The following SPATS1 variants were observed in gnomAD, a reference collection of about 807,000 sequenced individuals.
SPATS1 encodes spermatogenesis-associated serine-rich protein 1.
A neutral mutation model predicts 33.6 loss-of-function variants in SPATS1; 23 were observed. The observed-to-expected ratio is 0.68, with a 90% CI of 0.49 to 0.97. The LOEUF is 0.97. SPATS1 is among the 50% of genes least tolerant of loss of function. The pLI, the probability that SPATS1 is intolerant of heterozygous loss-of-function variation, is 0.00. For synonymous variants in SPATS1, 131 were observed against 125.6 expected (o/e 1.04, Z -0.29); for missense variants, 327 against 361.0 (o/e 0.91, Z 0.76).
rs1367440068 is a variant in SPATS1 at position 44,376,363 on chromosome 6, C to T, written c.764C>T (p.Pro255Leu). 2.5e-6 allele frequency: 4 copies of T among 1,611,606 alleles called. No homozygotes were observed. The highest frequency in any genetic ancestry group is 3.4e-6 in the Non-Finnish European group (4 of 1,178,944). ...LEPLPQIPNL[P>L]FWVKEKANSL... ...GTGTTGTCTTCTTCCCACAGCTTGC[C>T]TTTCTGGGTGAAGGAGAAGGCCAAC... The change falls in exon 8 of 9, where the codon CCT (proline) becomes CTT (leucine). Residue 255 changes from proline (P) to leucine (L), a missense_variant. Physicochemically the swap from Pro to Leu is moderately conservative, Grantham distance 98 (BLOSUM62 -3). Transcript: ENST00000674044.
intron 2 of SPATS1, among the ~76,000 whole-genome samples, chr6:44,350,518 G>A (rs1014178547): frequency 1.3e-5 from 2 of 152,290 alleles, no homozygotes; most frequent in Non-Finnish European, 1.5e-5. Context: ...TAGGCCTTGC[G>A]CCATGTCCTG....
intron 8 of SPATS1, 108 bp downstream of exon 8, chr6:44,376,581 C>A: frequency 1.4e-6 from 1 of 708,862 alleles, no homozygotes. Flanking sequence ...GCGGGCAGAT[C>A]ACAAGGTCAG....
At chr6:44,374,720 C>A (rs185349130) in intron 7 of SPATS1, among the ~76,000 whole-genome samples, 1 of 152,200 alleles carries the variant, frequency 6.6e-6, no homozygotes, top group Non-Finnish European at 1.5e-5. Flanking sequence ...ATTGTTTCAA[C>A]AAAGGCTGAA....
Position 44,361,487 on chromosome 6 carries a change from T to C in SPATS1, c.413-344T>C. The C allele has an allele frequency of 5.1e-6, 5 of 985,460 alleles. No homozygotes were observed. In the South Asian group the frequency reaches 2.3e-4, roughly 46 times the overall value. 61.0% of individuals were successfully genotyped at this position (985,460 alleles called of 1,614,324 possible). A position where few individuals can be genotyped will look rare whatever the true frequency, so the allele number is the denominator to read the frequency against. On this transcript the variant is annotated intron_variant, in intron 4 of 8. Transcript: ENST00000674044. The stretch of plus-strand genomic sequence containing the variant: ...GCATTCTATTTTTCCTACACCGTTA[T>C]CAGAGTGAAGATTGTATCACAGGTA...
chr6:44,343,543 G>T (rs1787694521), intron 2 of SPATS1: 1 of 498,574 alleles, frequency 2.0e-6, no homozygotes, highest in Non-Finnish European at 3.9e-6. Context: ...TTAATAAAAG[G>T]TGAGCCTGGG....
Position 44,361,935 on chromosome 6 carries a change from A to G in SPATS1, c.517A>G (p.Asn173Asp). The change falls in exon 5 of 9, where the codon AAC becomes GAC. Residue 173 changes from asparagine (N) to aspartate (D), a missense_variant. Physicochemically the swap from Asn to Asp is conservative, Grantham distance 23. Coordinates refer to ENST00000674044, the MANE Select transcript of SPATS1 (RefSeq NM_001372081.1). ...QCFFNGVFLGNKRSLSERTVD... is the reference protein window; with the variant it reads ...QCFFNGVFLGDKRSLSERTVD... Reference sequence around the variant, plus strand: ...CTTCTTTAATGGAGTCTTCCTCGGCAACAAGAGGTCTCTATCAGAGAGGAC... The same window carrying G: ...CTTCTTTAATGGAGTCTTCCTCGGCGACAAGAGGTCTCTATCAGAGAGGAC... 1 of 1,614,254 alleles carries G rather than the reference A, an allele frequency of 6.2e-7. No individual in the cohort carries two copies. The highest frequency in any genetic ancestry group is 1.3e-5 in the African/African-American group (1 of 75,070).
At chr6:44,371,168 A>G (rs778447174) in intron 7 of SPATS1, among the ~76,000 whole-genome samples, 1 of 151,230 alleles carries the variant, frequency 6.6e-6, no homozygotes, top group Non-Finnish European at 1.5e-5. Flanking sequence ...GCATAGTGGT[A>G]TGCAACTGTA....
chr6:44,371,238 G>T (rs1033459744), intron 7 of SPATS1, among the ~76,000 whole-genome samples: 1 of 151,774 alleles, frequency 6.6e-6, no homozygotes, highest in Admixed American at 6.6e-5. Flanking sequence ...GTTCGAGGCT[G>T]CAGTGAGCTA....
chr6:44,371,295 CT>C (rs1789598041), intron 7 of SPATS1, among the ~76,000 whole-genome samples: 2 of 148,920 alleles, frequency 1.3e-5, no homozygotes, highest in South Asian at 4.2e-4. Flanking sequence ...AAAACCCTGT[CT>C]CAAATTAAAA....
At chr6:44,357,744 C>T (rs1244452945) in intron 3 of SPATS1, among the ~76,000 whole-genome samples, 5 of 152,146 alleles carry the variant, frequency 3.3e-5, no homozygotes, top group South Asian at 2.1e-4. Flanking sequence ...CGGCTGGTCT[C>T]GAACTCCTGC....
At chr6:44,347,775 A>G (rs965083568) in intron 2 of SPATS1, among the ~76,000 whole-genome samples, 1 of 152,102 alleles carries the variant, frequency 6.6e-6, no homozygotes, top group Non-Finnish European at 1.5e-5. Context: ...GTTTTCATAT[A>G]CAATTTTATT....
Position 44,360,167 on chromosome 6 carries a change from T to C in SPATS1, c.288-279T>C, listed in dbSNP as rs371498323. Among the ~76,000 whole-genome samples, 35 of 152,110 alleles carry C rather than the reference T, an allele frequency of 2.3e-4. 3 individuals are homozygous for C. The highest frequency in any genetic ancestry group is 1.4e-3 in the Admixed American group (21 of 15,288). ...AAAATTAGTAAAGACGGGATCTCAC[T>C]ATGCTGTCCAGTCTGGTCTCAAACT... is the stretch of plus-strand genomic sequence containing the variant. On this transcript the variant is annotated intron_variant, in intron 3 of 8. Transcript: ENST00000674044.
intron 7 of SPATS1, among the ~76,000 whole-genome samples, chr6:44,372,910 G>A (rs1316535781): frequency 6.6e-6 from 1 of 152,154 alleles, no homozygotes; most frequent in African/African-American, 2.4e-5. Flanking sequence ...GTAAGATGTG[G>A]CCCTTTTAGA....
At chr6:44,352,643 A>G (rs1468249257) in intron 2 of SPATS1, 83 bp from the exon 3 acceptor site, 2 of 1,332,020 alleles carry the variant, frequency 1.5e-6, no homozygotes, top group Non-Finnish European at 2.1e-6. Context: ...CTGTTTTAAA[A>G]ATTTATTTAT....
chr6:44,355,307 G>T (rs910961533), intron 3 of SPATS1, among the ~76,000 whole-genome samples: 2 of 151,934 alleles, frequency 1.3e-5, no homozygotes, highest in African/African-American at 4.8e-5. Context: ...CATTTAAGTT[G>T]CCTTCATGTC....
At chr6:44,367,041 T>C (rs1789291004) in intron 5 of SPATS1, among the ~76,000 whole-genome samples, 4 of 152,212 alleles carry the variant, frequency 2.6e-5, no homozygotes, top group African/African-American at 9.6e-5. Flanking sequence ...TACTTGTCAG[T>C]GCCCTGGTTT....
chr6:44,346,938 C>T (rs371826726), intron 2 of SPATS1, among the ~76,000 whole-genome samples: 15 of 152,210 alleles, frequency 9.9e-5, no homozygotes, highest in South Asian at 6.2e-4. Context: ...ATGTTTATTG[C>T]GGCACTGTTC....
At chr6:44,366,614 A>G (rs1461381794) in intron 5 of SPATS1, among the ~76,000 whole-genome samples, 1 of 152,212 alleles carries the variant, frequency 6.6e-6, no homozygotes, top group Non-Finnish European at 1.5e-5. Context: ...CCACTGTTCT[A>G]TAGTATATGG....
At chr6:44,349,168 A>T (rs1426525810) in intron 2 of SPATS1, among the ~76,000 whole-genome samples, 1 of 148,858 alleles carries the variant, frequency 6.7e-6, no homozygotes, top group Non-Finnish European at 1.5e-5. Context: ...GTGTGGTGGC[A>T]TGCACCTGTA....
Sources: allele counts gnomAD v4.1 joint callset (sites outside exome capture counted in the v4.1 genomes callset), GRCh38; gene constraint gnomAD v4.1.1; transcripts MANE v1.5; gene names NCBI Gene and HGNC (gene_info 2026-07-23, HGNC 2026-07-21).